The following YIPF7 variants were observed in gnomAD, a reference collection of about 807,000 sequenced individuals.
YIPF7 encodes the protein Yip1 domain family member 7.
Under a neutral mutation model 27.2 loss-of-function variants are expected in YIPF7, and 35 were observed. That is an observed-to-expected ratio of 1.29 (90% CI 0.98 to 1.70). YIPF7 has a LOEUF of 1.70. Among genes scored for constraint, YIPF7 ranks in the 40% most tolerant of loss-of-function variants. The pLI is 0.00. For synonymous variants in YIPF7, 137 were observed against 110.4 expected, an observed-to-expected ratio of 1.24 and a Z score of -1.51; for missense variants, 358 against 303.7, an observed-to-expected ratio of 1.18 and a Z score of -1.33.
intron 2 of YIPF7, among the ~76,000 whole-genome samples, chr4:44,637,047 C>T (rs1713150729): frequency 6.6e-6 from 1 of 152,074 alleles, no homozygotes; most frequent in South Asian, 2.1e-4. Context: ...TAGTGATTTC[C>T]ATTTCCATCT....
intron 2 of YIPF7, chr4:44,660,337 G>A (rs1228946523): frequency 6.6e-6 from 1 of 152,010 alleles, no homozygotes; most frequent in African/African-American, 2.4e-5. Flanking sequence ...CCAATAAAAT[G>A]TGGAGGAAGC....
At chr4:44,654,814 ACTG>A (rs1713838715), upstream of YIPF7, among the ~76,000 whole-genome samples, 1 of 151,902 alleles carries the variant, frequency 6.6e-6, no homozygotes, top group Non-Finnish European at 1.5e-5. Flanking sequence ...CTCCATTTCC[ACTG>A]CTATCAGCCT....
chr4:44,656,208 A>G (rs550760911), upstream of YIPF7, among the ~76,000 whole-genome samples: 123 of 152,164 alleles, frequency 8.1e-4, 1 homozygote, highest in South Asian at 0.025. Context: ...CCATATTATT[A>G]TAATAGTCAT....
chr4:44,625,894 G>A (rs1712617264), intron 4 of YIPF7, among the ~76,000 whole-genome samples: 1 of 152,090 alleles, frequency 6.6e-6, no homozygotes, highest in African/African-American at 2.4e-5. Flanking sequence ...AAGTTGAATA[G>A]GCTGTCTCTG....
chr4:44,628,551 T>C (rs1259856026), intron 4 of YIPF7, among the ~76,000 whole-genome samples: 1 of 152,142 alleles, frequency 6.6e-6, no homozygotes, highest in Non-Finnish European at 1.5e-5. Flanking sequence ...TGTGTCTTAA[T>C]GAAACTATAC....
At chr4:44,624,846 T>C in intron 4 of YIPF7, 64 bp from the exon 5 acceptor site, 1 of 1,451,382 alleles carries the variant, frequency 6.9e-7, no homozygotes, top group Non-Finnish European at 9.3e-7. Context: ...AATCTGAATA[T>C]CATGAAGCAG....
Position 44,622,481 on chromosome 4 carries a change from T to C in YIPF7, c.704A>G (p.Gln235Arg). The C allele has an allele frequency of 6.2e-7, 1 of 1,613,944 alleles. No homozygotes were observed. The highest frequency in any genetic ancestry group is 8.5e-7 in the Non-Finnish European group (1 of 1,179,850). Residue 235 changes from glutamine to arginine, a missense_variant, in exon 6 of 6, where the codon CAG becomes CGG. By Grantham distance (43) the Gln-to-Arg change is conservative (BLOSUM62 1). Coordinates refer to ENST00000415895, the MANE Select transcript of YIPF7 (RefSeq NM_182592.3). ...IFIAALHMEG[Q>R]QLLVAYPCAI... ...ACAAGGGTAGGCAACAAGAAGCTGC[T>C]GTCCTTCCATGTGCAAGGCTGCAAT...
chr4:44,624,890 TG>T, intron 4 of YIPF7, 108 bp from the exon 5 acceptor site: 1 of 1,035,902 alleles, frequency 9.7e-7, no homozygotes, highest in Non-Finnish European at 1.4e-6. Flanking sequence ...TGCTGTTCCA[TG>T]TCTTTGTAGG....
intron 3 of YIPF7, among the ~76,000 whole-genome samples, chr4:44,635,435 C>T (rs1168191146): frequency 1.3e-5 from 2 of 152,004 alleles, no homozygotes; most frequent in African/African-American, 4.8e-5. Flanking sequence ...TATGAAAGGG[C>T]TTGTATGAGT....
At chr4:44,641,448 G>A (rs1289512605) in intron 2 of YIPF7, among the ~76,000 whole-genome samples, 4 of 152,028 alleles carry the variant, frequency 2.6e-5, no homozygotes, top group African/African-American at 9.7e-5. Context: ...TTCATTTTAA[G>A]TTGTTTTTAC....
chr4:44,624,050 T>C lies in YIPF7; in HGVS notation c.608+551A>G, dbSNP rs551200600. Reference sequence around the variant, plus strand: ...CAACTTAAAAAGTGCCAGTTTTTTTTTCTCTCTCTCTTTTTTTTTTTTTTT... The same window carrying C: ...CAACTTAAAAAGTGCCAGTTTTTTTCTCTCTCTCTCTTTTTTTTTTTTTTT... On this transcript the variant is annotated intron_variant, in intron 5 of 5. Coordinates refer to ENST00000415895, the MANE Select transcript of YIPF7 (RefSeq NM_182592.3). Among the ~76,000 whole-genome samples, 39 of 151,640 alleles carry C rather than the reference T, an allele frequency of 2.6e-4. 1 individual carries two copies. The highest frequency in any genetic ancestry group is 3.4e-4 in the Non-Finnish European group (23 of 67,970).
At chr4:44,624,928 G>C (rs573822392) in intron 4 of YIPF7, 146 bp from the exon 5 acceptor site, 3 of 694,146 alleles carry the variant, frequency 4.3e-6, no homozygotes, top group South Asian at 2.7e-5. Flanking sequence ...TGGAAGTTCT[G>C]GGAAAAACAT....
chr4:44,646,003 G>A (rs1243091023), intron 2 of YIPF7, among the ~76,000 whole-genome samples: 2 of 152,066 alleles, frequency 1.3e-5, no homozygotes, highest in Non-Finnish European at 2.9e-5. Context: ...TTATTCATAT[G>A]CTTCTATATT....
upstream of YIPF7, among the ~76,000 whole-genome samples, chr4:44,652,359 C>G (rs1022461361): frequency 6.6e-6 from 1 of 152,120 alleles, no homozygotes; most frequent in African/African-American, 2.4e-5. Context: ...GTTCTCATCC[C>G]TAATATTAAT....
intron 1 of YIPF7, among the ~76,000 whole-genome samples, chr4:44,650,507 G>GCGCACACACACACACACA (rs6148421): frequency 1.2e-3 from 168 of 137,162 alleles, no homozygotes; most frequent in Non-Finnish European, 1.7e-3. Flanking sequence ...GCGCGCGCGC[G>GCGCACACACACACACACA]CACACACACA....
intron 2 of YIPF7, among the ~76,000 whole-genome samples, chr4:44,657,334 C>T (rs982257410): frequency 1.3e-5 from 2 of 152,110 alleles, no homozygotes; most frequent in African/African-American, 4.8e-5. Flanking sequence ...AAACTTTCTG[C>T]CTTGCAGTAT....
chr4:44,653,995 G>A (rs1000550853), upstream of YIPF7, among the ~76,000 whole-genome samples: 1 of 151,924 alleles, frequency 6.6e-6, no homozygotes, highest in Non-Finnish European at 1.5e-5. Context: ...TCGATTAAAT[G>A]AATTACAGGA....
chr4:44,645,646 G>T (rs1412871438), intron 2 of YIPF7, among the ~76,000 whole-genome samples: 1 of 151,996 alleles, frequency 6.6e-6, no homozygotes, highest in Non-Finnish European at 1.5e-5. Flanking sequence ...TTCAAATTCA[G>T]CACACTATTA....
rs368056535 is a variant in YIPF7, at chr4:44,629,426, C to A, written c.403G>T (p.Ala135Ser). The change falls in exon 4 of 6, where the codon GCC (alanine) becomes TCC (serine). Residue 135 changes from alanine to serine, a missense_variant. Transcript: ENST00000415895. Reference sequence around the variant, plus strand: ...ACCAGAAGCAAGGTGGCTCCCAGGGCTACGCAAAAAAGAATGGGTCCAGTG... The same window carrying A: ...ACCAGAAGCAAGGTGGCTCCCAGGGATACGCAAAAAAGAATGGGTCCAGTG... ...DLTGPILFCV[A>S]LGATLLLAGK... The A allele has an allele frequency of 3.3e-5, 52 of 1,596,100 alleles. No homozygotes were observed. Among genetic ancestry groups the A allele is most frequent in the Middle Eastern group, 3.3e-4 (2 of 6,016 alleles).
Sources: allele counts gnomAD v4.1 joint callset (sites outside exome capture counted in the v4.1 genomes callset), GRCh38; gene constraint gnomAD v4.1.1; transcripts MANE v1.5; gene names NCBI Gene and HGNC (gene_info 2026-07-23, HGNC 2026-07-21).